HOMER1: variants seen among roughly 807,000 people sequenced by gnomAD.
The protein encoded by HOMER1 is homer scaffold protein 1, also known as homer protein homolog 1.
Under a neutral mutation model 48.9 loss-of-function variants are expected in HOMER1, and 3 were observed. That is an observed-to-expected ratio of 0.06 (90% CI 0.03 to 0.16). The LOEUF (loss-of-function observed/expected upper bound fraction) is 0.16, where lower values mean the gene tolerates loss of function less well. HOMER1 is among the 10% of genes least tolerant of loss of function. HOMER1 has a pLI of 1.00. For synonymous variants in HOMER1, 134 were observed against 146.4 expected (o/e 0.92, Z 0.61); for missense variants, 247 against 411.4 (o/e 0.60, Z 3.46).
At chr5:79,510,067 C>A (rs529034805) in intron 1 of HOMER1, among the ~76,000 whole-genome samples, 1 of 152,158 alleles carries the variant, frequency 6.6e-6, no homozygotes, top group African/African-American at 2.4e-5. Flanking sequence ...GGCATAAATA[C>A]GCATAAAGTG....
At chr5:79,487,838 C>A (rs1752153306) in intron 1 of HOMER1, among the ~76,000 whole-genome samples, 1 of 152,136 alleles carries the variant, frequency 6.6e-6, no homozygotes, top group African/African-American at 2.4e-5. Flanking sequence ...GTCCTTATTT[C>A]TTAGTAATAC....
chr5:79,447,039 A>T lies in HOMER1; in HGVS notation c.387+14T>A, dbSNP rs1469632643. The T allele has an allele frequency of 4.1e-6, 6 of 1,446,106 alleles. No individual in the cohort carries two copies. Among genetic ancestry groups the T allele is most frequent in the Non-Finnish European group, 5.8e-6 (6 of 1,026,820 alleles). 89.6% of individuals were successfully genotyped at this position (1,446,106 alleles called of 1,614,324 possible). A position where few individuals can be genotyped will look rare whatever the true frequency, so the allele number is the denominator to read the frequency against. On this transcript the variant is annotated intron_variant, in intron 4 of 8. Transcript: ENST00000334082. Reference sequence around the variant, plus strand: ...AACAAGGTTCATAATTAAGAATAGAAATGATATACCCACCTGTGAAGGTGT... The same window carrying T: ...AACAAGGTTCATAATTAAGAATAGATATGATATACCCACCTGTGAAGGTGT...
chr5:79,400,499 G>A (rs1749507167), intron 6 of HOMER1, among the ~76,000 whole-genome samples: 1 of 151,400 alleles, frequency 6.6e-6, no homozygotes, highest in Non-Finnish European at 1.5e-5. Context: ...TGGAACTATA[G>A]GGACATGCCA....
chr5:79,424,350 GCTTTT>G (rs1750185003), intron 5 of HOMER1, among the ~76,000 whole-genome samples: 1 of 151,664 alleles, frequency 6.6e-6, no homozygotes, highest in Non-Finnish European at 1.5e-5. Context: ...TTTTACTTTA[GCTTTT>G]CTTTAATTGT....
chr5:79,429,673 C>A (rs992777309), intron 5 of HOMER1, among the ~76,000 whole-genome samples: 4 of 152,096 alleles, frequency 2.6e-5, no homozygotes, highest in African/African-American at 9.7e-5. Context: ...GCAGTGATTT[C>A]TTAGATATGA....
chr5:79,401,827 T>C, intron 6 of HOMER1, 72 bp downstream of exon 6: 8 of 1,437,756 alleles, frequency 5.6e-6, no homozygotes, highest in Admixed American at 1.8e-5. Flanking sequence ...GTGCTGAATC[T>C]ACATGCAAAT....
chr5:79,477,172 A>T lies in HOMER1; in HGVS notation c.6-20154T>A, dbSNP rs898758843. Among the ~76,000 whole-genome samples, 5 of 152,218 alleles carry T rather than the reference A, an allele frequency of 3.3e-5. No individual in the cohort carries two copies. The South Asian group carries it at 1.0e-3, about 32-fold the overall frequency. ...AGGAACTGTGGACAAAAAACAATAG[A>T]TATATCATAGCATCATAGCAGTCTA... On this transcript the variant is annotated intron_variant, in intron 1 of 8. Coordinates refer to ENST00000334082, the MANE Select transcript of HOMER1 (RefSeq NM_004272.5).
intron 4 of HOMER1, among the ~76,000 whole-genome samples, chr5:79,441,568 GCATAGTTATCCTAGGT>G (rs1750737747): frequency 6.6e-6 from 1 of 152,066 alleles, no homozygotes; most frequent in Admixed American, 6.6e-5. Context: ...TTAAGTAAAG[GCATAGTTATCCTAGGT>G]CATTATACCT....
In HOMER1 at chr5:79,375,969, G is replaced by A; in HGVS notation, c.*40C>T. On this transcript the variant is annotated 3_prime_UTR_variant, in exon 9 of 9. Coordinates refer to ENST00000334082, the MANE Select transcript of HOMER1 (RefSeq NM_004272.5). ...CTAAACAGTCCTATGAAGAGAGACA[G>A]TGTATCTTTTAATTAATTGGCACTG... 1 of 1,323,754 alleles carries A rather than the reference G, an allele frequency of 7.6e-7. No individual in the cohort carries two copies. Among genetic ancestry groups the A allele is most frequent in the Non-Finnish European group, 1.1e-6 (1 of 942,180 alleles). 82.0% of individuals were successfully genotyped at this position (1,323,754 alleles called of 1,614,324 possible).
intron 5 of HOMER1, among the ~76,000 whole-genome samples, chr5:79,410,789 A>G (rs1375330824): frequency 1.3e-5 from 2 of 152,162 alleles, no homozygotes; most frequent in South Asian, 4.1e-4. Flanking sequence ...TTAATACCTT[A>G]GGATTAATTC....
chr5:79,444,300 C>A (rs112738982), intron 4 of HOMER1, among the ~76,000 whole-genome samples: 3,750 of 152,268 alleles, frequency 0.025, 152 homozygotes, highest in African/African-American at 0.085. Flanking sequence ...AACCCCTGGG[C>A]TCAAGCAGTC....
chr5:79,417,431 C>T (rs1749977008), intron 5 of HOMER1, among the ~76,000 whole-genome samples: 1 of 152,182 alleles, frequency 6.6e-6, no homozygotes, highest in African/African-American at 2.4e-5. Flanking sequence ...CGTGAGCCAC[C>T]GCACCCGGCC....
At chr5:79,376,972 T>C (rs1283019280) in intron 8 of HOMER1, among the ~76,000 whole-genome samples, 1 of 152,196 alleles carries the variant, frequency 6.6e-6, no homozygotes, top group Non-Finnish European at 1.5e-5. Flanking sequence ...TTTGTTGTTG[T>C]TTCTTTTCTT....
intron 4 of HOMER1, among the ~76,000 whole-genome samples, chr5:79,443,094 C>G (rs1750779772): frequency 6.6e-6 from 1 of 152,130 alleles, no homozygotes. Context: ...CAAATGCTTA[C>G]CAAGAGTCAG....
chr5:79,467,728 T>C (rs1367106387), intron 1 of HOMER1, among the ~76,000 whole-genome samples: 1 of 152,198 alleles, frequency 6.6e-6, no homozygotes, highest in Non-Finnish European at 1.5e-5. Context: ...TAGTTCTTAT[T>C]GACAATGCAA....
chr5:79,429,716 A>G (rs1750366523), intron 5 of HOMER1, among the ~76,000 whole-genome samples: 1 of 152,184 alleles, frequency 6.6e-6, no homozygotes, highest in Admixed American at 6.5e-5. Context: ...AAAATGAATT[A>G]GACTTATTTA....
intron 2 of HOMER1, 29 bp from the exon 3 acceptor site, chr5:79,451,150 A>C (rs1346763167): frequency 6.2e-7 from 1 of 1,604,188 alleles, no homozygotes; most frequent in East Asian, 2.2e-5. Context: ...ATGAGCAACC[A>C]GCAAAAAATC....
chr5:79,501,062 C>G (rs781340599), intron 1 of HOMER1, among the ~76,000 whole-genome samples: 3 of 151,910 alleles, frequency 2.0e-5, no homozygotes, highest in Non-Finnish European at 2.9e-5. Flanking sequence ...CCTCTGCCTC[C>G]CAGGCTCAAG....
At chr5:79,400,761 T>C (rs969804698) in intron 6 of HOMER1, among the ~76,000 whole-genome samples, 1 of 146,836 alleles carries the variant, frequency 6.8e-6, no homozygotes, top group Non-Finnish European at 1.5e-5. Flanking sequence ...TTTTGTTTTT[T>C]AGAGACAGAG....
Sources: allele counts gnomAD v4.1 joint callset (sites outside exome capture counted in the v4.1 genomes callset), GRCh38; gene constraint gnomAD v4.1.1; transcripts MANE v1.5; gene names NCBI Gene and HGNC (gene_info 2026-07-23, HGNC 2026-07-21).